Variants in MUC20 observed in about 807,000 individuals in gnomAD.
MUC20 encodes the protein mucin 20, cell surface associated.
In MUC20, 14 loss-of-function variants were observed where a neutral mutation model predicts 23.8. That is an observed-to-expected ratio of 0.59 (90% CI 0.39 to 0.92). The LOEUF (loss-of-function observed/expected upper bound fraction) is 0.92, where lower values mean the gene tolerates loss of function less well. Among genes scored for constraint, MUC20 ranks in the 40% least tolerant of loss-of-function variants. The pLI, the probability that MUC20 is intolerant of heterozygous loss-of-function variation, is 0.00. For synonymous variants in MUC20, 166 were observed against 279.3 expected, an observed-to-expected ratio of 0.59 and a Z score of 4.04; for missense variants, 375 against 668.8, an observed-to-expected ratio of 0.56 and a Z score of 4.85.
At chr3:195,729,875 G>A in intron 3 of MUC20, 136 bp downstream of exon 3, 1 of 857,816 alleles carries the variant, frequency 1.2e-6, no homozygotes, top group Non-Finnish European at 1.8e-6. Flanking sequence ...AGAATTGGGA[G>A]CTGAATCTGA....
intron 2 of MUC20, among the ~76,000 whole-genome samples, chr3:195,727,680 A>AAACATGTTTCACACCCAGT (rs1712843119): frequency 6.6e-6 from 1 of 152,292 alleles, no homozygotes; most frequent in Non-Finnish European, 1.5e-5. Flanking sequence ...GGGGTGATAT[A>AAACATGTTTCACACCCAGT]AACATGTTTC....
At chr3:195,732,163 C>T (rs1713459700) in intron 3 of MUC20, among the ~76,000 whole-genome samples, 1 of 151,958 alleles carries the variant, frequency 6.6e-6, no homozygotes, top group African/African-American at 2.4e-5. Context: ...ACCACCATAC[C>T]TGGCTAATTT....
In MUC20 at chr3:195,726,507, C is replaced by T. The variant is rs760416564; in HGVS notation, c.1904C>T (p.Thr635Met). 20 of 1,613,910 alleles carry T rather than the reference C, an allele frequency of 1.2e-5. No individual in the cohort carries two copies. Among genetic ancestry groups the T allele is most frequent in the African/African-American group, 2.7e-5 (2 of 74,954 alleles). The change falls in exon 2 of 4, where the codon ACG becomes ATG. Residue 635 changes from threonine (T) to methionine (M), a missense_variant. Physicochemically the swap from Thr to Met is moderately conservative, Grantham distance 81. Around this residue, in one of 4 missense-constraint regions of MUC20, gnomAD observed 343 missense variants for 340.2 expected, o/e 1.01. Coordinates refer to ENST00000447234, the MANE Select transcript of MUC20 (RefSeq NM_001282506.2). The stretch of plus-strand genomic sequence containing the variant: ...AAGATCACAACCTCAGCGAAGACCA[C>T]GATGAAGCCCCCAACAGCCACGCCC... ...LAKITTSAKT[T>M]MKPPTATPTT...
rs1282866660 is a variant in MUC20, at chr3:195,733,527, A to G, written c.*309A>G. On this transcript the variant is annotated 3_prime_UTR_variant, in exon 4 of 4. Transcript: ENST00000447234. The stretch of plus-strand genomic sequence containing the variant: ...ACCCATCTGTGTGCTTCCATCCTGC[A>G]TTAAAATTCACTCAGTGTGGCCCAG... 1.5e-6 allele frequency: 2 copies of G among 1,333,012 alleles called. No individual in the cohort carries two copies. The highest frequency in any genetic ancestry group is 1.9e-6 in the Non-Finnish European group (2 of 1,045,162). The allele number at this position is 1,333,012 out of a possible 1,614,324, so 82.6% of individuals were successfully genotyped here.
chr3:195,723,025 G>A (rs1398059184), intron 1 of MUC20, among the ~76,000 whole-genome samples: 4 of 137,370 alleles, frequency 2.9e-5, no homozygotes, highest in African/African-American at 5.4e-5. Flanking sequence ...CACCTTCTCC[G>A]CTGGTCCTCA....
intron 2 of MUC20, chr3:195,729,346 C>A: frequency 2.1e-5 from 4 of 191,192 alleles, no homozygotes; most frequent in East Asian, 9.1e-5. Flanking sequence ...GAGACAGTTT[C>A]GCTCTTGTTG....
At chr3:195,727,272 C>T (rs923534352) in intron 2 of MUC20, among the ~76,000 whole-genome samples, 5 of 152,202 alleles carry the variant, frequency 3.3e-5, no homozygotes, top group African/African-American at 9.6e-5. Context: ...CAGTGGTGGG[C>T]GCCTGTAATC....
chr3:195,729,604 C>T (rs764634402), intron 2 of MUC20, 44 bp from the exon 3 acceptor site: 2 of 1,535,276 alleles, frequency 1.3e-6, no homozygotes, highest in South Asian at 1.2e-5. Context: ...GTGTGAGCCA[C>T]TGCGCCCAGC....
chr3:195,730,843 T>C (rs1000457747), intron 3 of MUC20, among the ~76,000 whole-genome samples: 2 of 152,148 alleles, frequency 1.3e-5, no homozygotes, highest in African/African-American at 2.4e-5. Context: ...TTTGTACAAG[T>C]TGGGAAAATT....
rs565508901 is a variant in MUC20, at chr3:195,726,058, C to T, written c.1455C>T (p.Gly485=). 2 of 1,613,882 alleles carry T rather than the reference C, an allele frequency of 1.2e-6. No homozygotes were observed. The highest frequency in any genetic ancestry group is 2.2e-5 in the East Asian group (1 of 44,880). The part of the protein sequence containing the change: ...TASAETLSTA[G]TTESAAPDAT... The stretch of plus-strand genomic sequence containing the variant: ...CTGCCGAGACCCTGTCCACAGCCGG[C>T]ACCACAGAGTCAGCTGCACCTGATG... The change falls in exon 2 of 4, where the codon GGC becomes GGT. Residue 485 remains glycine (G), a synonymous_variant. Coordinates refer to ENST00000447234, the MANE Select transcript of MUC20 (RefSeq NM_001282506.2).
intron 1 of MUC20, 88 bp downstream of exon 1, chr3:195,721,171 G>A (rs1712042231): frequency 6.9e-7 from 1 of 1,447,118 alleles, no homozygotes; most frequent in Non-Finnish European, 9.2e-7. Context: ...TCATGGGCAA[G>A]GGCAGGCTCT....
chr3:195,729,916 C>G (rs769903256), intron 3 of MUC20, 177 bp downstream of exon 3: 2 of 653,448 alleles, frequency 3.1e-6, no homozygotes, highest in Non-Finnish European at 5.2e-6. Context: ...TTCTGCCTGC[C>G]TTCTCCGAGT....
In MUC20 at chr3:195,729,970, C is replaced by T. The variant is rs990977399; in HGVS notation, c.2061+231C>T. The T allele has an allele frequency of 5.3e-6, 3 of 565,038 alleles. No homozygotes were observed. The African/African-American group carries it at 5.8e-5, about 11-fold the overall frequency. 35.0% of individuals were successfully genotyped at this position (565,038 alleles called of 1,614,324 possible). On this transcript the variant is annotated intron_variant, in intron 3 of 3. Coordinates refer to ENST00000447234, the MANE Select transcript of MUC20 (RefSeq NM_001282506.2). Reference sequence around the variant, plus strand: ...CAATGTAAACATGTGACTCCTAGAGCCCCCAGTTTCTTCTGGTCCTTGGAA... The same window carrying T: ...CAATGTAAACATGTGACTCCTAGAGTCCCCAGTTTCTTCTGGTCCTTGGAA...
chr3:195,728,740 A>G (rs545056810), intron 2 of MUC20, among the ~76,000 whole-genome samples: 5 of 89,728 alleles, frequency 5.6e-5, no homozygotes, highest in East Asian at 5.2e-4. Flanking sequence ...ATTTCAGACT[A>G]TACATGGGGA....
At chr3:195,733,105 T>C in intron 3 of MUC20, 45 bp from the exon 4 acceptor site, 1 of 1,553,726 alleles carries the variant, frequency 6.4e-7, no homozygotes, top group Non-Finnish European at 8.7e-7. Flanking sequence ...GGCGAGCTCA[T>C]GGGCCAGATG....
At chr3:195,727,063 G>T (rs1340530529) in intron 2 of MUC20, among the ~76,000 whole-genome samples, 1 of 152,298 alleles carries the variant, frequency 6.6e-6, no homozygotes, top group East Asian at 1.9e-4. Context: ...GGGGCCTGCT[G>T]GATGCATTTC....
At chr3:195,722,048 G>A (rs112722478) in intron 1 of MUC20, 2,151 of 171,112 alleles carry the variant, frequency 0.013, 2 homozygotes, top group Non-Finnish European at 0.019. Context: ...AAGCTGCAGT[G>A]GAGAGTCTGG....
intron 3 of MUC20, 76 bp from the exon 4 acceptor site, chr3:195,733,074 C>T: frequency 6.8e-7 from 1 of 1,480,026 alleles, no homozygotes. Flanking sequence ...GCCCCAGTGT[C>T]CCTTCCTGTC....
chr3:195,729,507 G>A (rs1368255545), intron 2 of MUC20, 141 bp from the exon 3 acceptor site: 1 of 773,150 alleles, frequency 1.3e-6, no homozygotes, highest in Non-Finnish European at 2.1e-6. Flanking sequence ...GTAAAGACGG[G>A]ATTTCTCCAT....
Sources: allele counts gnomAD v4.1 joint callset (sites outside exome capture counted in the v4.1 genomes callset), GRCh38; gene constraint gnomAD v4.1.1; regional missense constraint gnomAD v4.1.1; transcripts MANE v1.5; gene names NCBI Gene and HGNC (gene_info 2026-07-23, HGNC 2026-07-21).